The following ZDHHC3 variants were observed in gnomAD, a reference collection of about 807,000 sequenced individuals.
ZDHHC3 encodes zDHHC palmitoyltransferase 3.
In ZDHHC3, 9 loss-of-function variants were observed where a neutral mutation model predicts 30.6. That is an observed-to-expected ratio of 0.29 (90% CI 0.18 to 0.51). The LOEUF (loss-of-function observed/expected upper bound fraction) is 0.51. Among genes scored for constraint, ZDHHC3 ranks in the 20% least tolerant of loss-of-function variants. The pLI is 0.97. For synonymous variants in ZDHHC3, 136 were observed against 140.2 expected (o/e 0.97, Z 0.21); for missense variants, 246 against 384.2 (o/e 0.64, Z 3.01).
chr3:44,935,984 C>T (rs552884913), intron 3 of ZDHHC3, among the ~76,000 whole-genome samples: 4 of 152,208 alleles, frequency 2.6e-5, no homozygotes, highest in South Asian at 2.1e-4. Flanking sequence ...CAAAAGCAAT[C>T]GCAACAAAAG....
rs1056946042 is a variant in ZDHHC3, at chr3:44,917,122, A to T, written c.*9567T>A. 1.3e-5 allele frequency: 2 copies of T among 152,294 alleles called. No homozygotes were observed. Among genetic ancestry groups the T allele is most frequent in the Non-Finnish European group, 2.9e-5 (2 of 68,112 alleles). The allele number at this position is 152,294 out of a possible 1,614,324, so 9.4% of individuals were successfully genotyped here. A position where few individuals can be genotyped will look rare whatever the true frequency, so the allele number is the denominator to read the frequency against. The stretch of plus-strand genomic sequence containing the variant: ...TGTGAATGGCTAGATATGTAGCCAC[A>T]GGCAGGACAGCTCCCAGCTGTCTCG... On this transcript the variant is annotated 3_prime_UTR_variant, in exon 7 of 7. Coordinates refer to ENST00000424952, the MANE Select transcript of ZDHHC3 (RefSeq NM_001135179.2).
chr3:44,929,578 C>A, intron 5 of ZDHHC3, 142 bp from the exon 6 acceptor site: 1 of 1,153,386 alleles, frequency 8.7e-7, no homozygotes, highest in East Asian at 2.6e-5. Flanking sequence ...GGCCTCCAGG[C>A]TACGGTGAGA....
rs867896945 is a variant in ZDHHC3 at position 44,917,752 on chromosome 3, G to A, written c.*8937C>T. Reference sequence around the variant, plus strand: ...GCCCAACATGGAGAGAAGAAGGAGGGGAAATGGCAAGGCCAAGCGAGTGGC... The same window carrying A: ...GCCCAACATGGAGAGAAGAAGGAGGAGAAATGGCAAGGCCAAGCGAGTGGC... On this transcript the variant is annotated 3_prime_UTR_variant, in exon 7 of 7. Coordinates refer to ENST00000424952, the MANE Select transcript of ZDHHC3 (RefSeq NM_001135179.2). 1 of 1,027,542 alleles carries A rather than the reference G, an allele frequency of 9.7e-7. No individual in the cohort carries two copies. Among genetic ancestry groups the A allele is most frequent in the Admixed American group, 3.1e-5 (1 of 31,864 alleles). 63.7% of individuals were successfully genotyped at this position (1,027,542 alleles called of 1,614,324 possible). A position where few individuals can be genotyped will look rare whatever the true frequency, so the allele number is the denominator to read the frequency against.
In ZDHHC3 at chr3:44,959,105, G is replaced by C. The variant is rs924314565; in HGVS notation, c.306+26C>G. The C allele has an allele frequency of 2.4e-5, 39 of 1,612,244 alleles. No homozygotes were observed. Among genetic ancestry groups the C allele is most frequent in the Non-Finnish European group, 3.2e-5 (38 of 1,178,828 alleles). The stretch of plus-strand genomic sequence containing the variant: ...AGCCAGAGGAGGAGAGTGTGGGCTG[G>C]TCAAAACAAGCCCAGACATACTCAC... On this transcript the variant is annotated intron_variant, in intron 2 of 6. Coordinates refer to ENST00000424952, the MANE Select transcript of ZDHHC3 (RefSeq NM_001135179.2). This position sits in a 1 kb window ranked among gnomAD's most constrained non-coding sequence, Gnocchi z 4.3.
rs757316002 is a variant in ZDHHC3 at position 44,933,964 on chromosome 3, C to T, written c.452G>A (p.Arg151Gln). The T allele has an allele frequency of 2.5e-6, 4 of 1,614,176 alleles. No individual in the cohort carries two copies. The highest frequency in any genetic ancestry group is 2.2e-5 in the East Asian group (1 of 44,874). Residue 151 changes from arginine to glutamine, a missense_variant, in exon 4 of 7, where the codon CGG becomes CAG. Coordinates refer to ENST00000424952, the MANE Select transcript of ZDHHC3 (RefSeq NM_001135179.2). ...HHCSVCKRCIRKMDHHCPWVN... is the reference protein window; with the variant it reads ...HHCSVCKRCIQKMDHHCPWVN... ...CCAGGGACAGTGGTGGTCCATCTTC[C>T]GAATGCACCGCTTACAAACACTGAA...
At position 44,921,900 on chromosome 3, in the gene ZDHHC3, G is replaced by T; in HGVS notation, c.*4789C>A. ...TTATGTCCGTGTTAGAGCATGTGCG[G>T]CCCCTAGAAGGCTTTTAGCGAACGT... On this transcript the variant is annotated 3_prime_UTR_variant, in exon 7 of 7. Transcript: ENST00000424952. The T allele has an allele frequency of 1.0e-6, 1 of 985,408 alleles. No homozygotes were observed. The highest frequency in any genetic ancestry group is 1.7e-5 in the African/African-American group (1 of 57,360). 61.0% of individuals were successfully genotyped at this position (985,408 alleles called of 1,614,324 possible).
In ZDHHC3 at chr3:44,959,101, G is replaced by T; in HGVS notation, c.306+30C>A. 12 of 1,611,198 alleles carry T rather than the reference G, an allele frequency of 7.4e-6. No homozygotes were observed. Among genetic ancestry groups the T allele is most frequent in the Non-Finnish European group, 1.0e-5 (12 of 1,178,056 alleles). Reference sequence around the variant, plus strand: ...CCAGAGCCAGAGGAGGAGAGTGTGGGCTGGTCAAAACAAGCCCAGACATAC... The same window carrying T: ...CCAGAGCCAGAGGAGGAGAGTGTGGTCTGGTCAAAACAAGCCCAGACATAC... On this transcript the variant is annotated intron_variant, in intron 2 of 6. Coordinates refer to ENST00000424952, the MANE Select transcript of ZDHHC3 (RefSeq NM_001135179.2). This position sits in a 1 kb window ranked among gnomAD's most constrained non-coding sequence, Gnocchi z 4.3.
In ZDHHC3 at chr3:44,926,320, C is replaced by A. The variant is rs1019908921; in HGVS notation, c.*369G>T. ...TTCCCATGCATCCCCCACCAGGTGT[C>A]CAGACTATTCCATCCACGCACAGCG... On this transcript the variant is annotated 3_prime_UTR_variant, in exon 7 of 7. Coordinates refer to ENST00000424952, the MANE Select transcript of ZDHHC3 (RefSeq NM_001135179.2). 27 of 995,512 alleles carry A rather than the reference C, an allele frequency of 2.7e-5. No homozygotes were observed. Among genetic ancestry groups the A allele is most frequent in the Non-Finnish European group, 3.1e-5 (26 of 837,050 alleles). 61.7% of individuals were successfully genotyped at this position (995,512 alleles called of 1,614,324 possible). A position where few individuals can be genotyped will look rare whatever the true frequency, so the allele number is the denominator to read the frequency against.
chr3:44,947,809 C>T (rs1031219206), intron 2 of ZDHHC3, among the ~76,000 whole-genome samples: 3 of 152,190 alleles, frequency 2.0e-5, no homozygotes, highest in African/African-American at 7.2e-5. Flanking sequence ...TTGATCAGCA[C>T]CAGATGCCCT....
At position 44,959,627 on chromosome 3, in the gene ZDHHC3, G is replaced by A. The variant is rs768036233; in HGVS notation, c.-24-167C>T. Among the ~76,000 whole-genome samples the A allele has an allele frequency of 6.6e-6, 1 of 152,202 alleles. No homozygotes were observed. The highest frequency in any genetic ancestry group is 2.4e-5 in the African/African-American group (1 of 41,444). ...AACATGAGTTCTCTTCCCTGATTCT[G>A]AGAGTCAATTTAGCCTTCTTGAAAC... On this transcript the variant is annotated intron_variant, in intron 1 of 6. Coordinates refer to ENST00000424952, the MANE Select transcript of ZDHHC3 (RefSeq NM_001135179.2). The surrounding 1 kb of genome is among the most constrained non-coding windows in gnomAD (Gnocchi z 4.3).
intron 3 of ZDHHC3, chr3:44,938,092 T>C (rs978608217): frequency 1.2e-5 from 3 of 241,492 alleles, no homozygotes; most frequent in African/African-American, 6.8e-5. Context: ...CAAGCAATTC[T>C]CCTGCCTCAG....
At chr3:44,972,634 T>G (rs764413028) in intron 1 of ZDHHC3, among the ~76,000 whole-genome samples, 59 of 152,238 alleles carry the variant, frequency 3.9e-4, no homozygotes, top group Non-Finnish European at 6.8e-4. Context: ...ACCTTTTGTA[T>G]TTGATACCTG....
chr3:44,940,274 T>C (rs1410368350), intron 3 of ZDHHC3, among the ~76,000 whole-genome samples: 1 of 152,128 alleles, frequency 6.6e-6, no homozygotes, highest in East Asian at 1.9e-4. Flanking sequence ...GTTCCCTCCC[T>C]AGGCATAGCA....
Position 44,920,256 on chromosome 3 carries a change from C to A in ZDHHC3, c.*6433G>T, listed in dbSNP as rs149905967. 5.4e-6 allele frequency: 7 copies of A among 1,289,896 alleles called. No homozygotes were observed. In the African/African-American group the frequency reaches 1.1e-4, roughly 20 times the overall value. 79.9% of individuals were successfully genotyped at this position (1,289,896 alleles called of 1,614,324 possible). A position where few individuals can be genotyped will look rare whatever the true frequency, so the allele number is the denominator to read the frequency against. ...CTGACTGGCCCCTCGCCAGGCCTCC[C>A]TTCTTGGCACAGAAGCAGTGACCAG... is the stretch of plus-strand genomic sequence containing the variant. On this transcript the variant is annotated 3_prime_UTR_variant, in exon 7 of 7. Transcript: ENST00000424952.
At chr3:44,939,671 G>T (rs1702272255) in intron 3 of ZDHHC3, among the ~76,000 whole-genome samples, 1 of 152,238 alleles carries the variant, frequency 6.6e-6, no homozygotes, top group South Asian at 2.1e-4. Context: ...TCCTCTGAAA[G>T]CTGCCCAAGA....
At chr3:44,958,850 C>A (rs753129139) in intron 2 of ZDHHC3, among the ~76,000 whole-genome samples, 2 of 152,216 alleles carry the variant, frequency 1.3e-5, no homozygotes, top group Non-Finnish European at 2.9e-5. Context: ...AGGTTTCCCC[C>A]AGACCAAACC....
intron 1 of ZDHHC3, among the ~76,000 whole-genome samples, chr3:44,974,040 G>A (rs1397746323): frequency 2.0e-5 from 3 of 152,114 alleles, no homozygotes; most frequent in Non-Finnish European, 4.4e-5. Context: ...TTTTAAAGAC[G>A]TCCAATGCAC....
rs767097290 is a variant in ZDHHC3 at position 44,919,253 on chromosome 3, G to GT, written c.*7435dup. ...AAAGTTAACATCACAATAATGAAACGTATCAACACCATATGCCTCCTGATA... is the reference window on the plus strand; with the variant it reads ...AAAGTTAACATCACAATAATGAAACGTTATCAACACCATATGCCTCCTGATA... On this transcript the variant is annotated 3_prime_UTR_variant, in exon 7 of 7. Coordinates refer to ENST00000424952, the MANE Select transcript of ZDHHC3 (RefSeq NM_001135179.2). 35 of 308,910 alleles carry GT rather than the reference G, an allele frequency of 1.1e-4. No individual in the cohort carries two copies. The highest frequency in any genetic ancestry group is 1.6e-4 in the Non-Finnish European group (33 of 212,686). The allele number at this position is 308,910 out of a possible 1,614,324, so 19.1% of individuals were successfully genotyped here. A position where few individuals can be genotyped will look rare whatever the true frequency, so the allele number is the denominator to read the frequency against.
chr3:44,936,403 C>T (rs988876527), intron 3 of ZDHHC3, among the ~76,000 whole-genome samples: 6 of 152,182 alleles, frequency 3.9e-5, no homozygotes, highest in African/African-American at 7.2e-5. Flanking sequence ...TACACACTGT[C>T]GTGGGAGTGT....
Sources: gnomAD v4.1 joint callset for allele counts (sites outside exome capture counted in the v4.1 genomes callset) on GRCh38, gnomAD v4.1.1 for gene constraint, Gnocchi (gnomAD v3.1) non-coding constraint, MANE v1.5 for transcripts, NCBI Gene and HGNC (gene_info 2026-07-23, HGNC 2026-07-21) for gene names.